Variants in SGK1 observed in about 807,000 individuals in gnomAD.
SGK1 encodes the protein serine/threonine-protein kinase Sgk1.
In SGK1, 26 loss-of-function variants were observed where a neutral mutation model predicts 64.2. That is an observed-to-expected ratio of 0.40 (90% CI 0.30 to 0.56). The LOEUF (loss-of-function observed/expected upper bound fraction) is 0.56. SGK1 is among the 20% of genes least tolerant of loss of function. The pLI is 0.38. For missense variants in SGK1, 519 were observed against 645.6 expected, an observed-to-expected ratio of 0.80 and a Z score of 2.12; for synonymous variants, 265 against 239.7, an observed-to-expected ratio of 1.11 and a Z score of -0.98.
chr6:134,249,252 T>A (rs1776570696), intron 2 of SGK1, among the ~76,000 whole-genome samples: 1 of 152,238 alleles, frequency 6.6e-6, no homozygotes, highest in African/African-American at 2.4e-5. Context: ...CTTTTGTGAT[T>A]GAAACATGAA....
intron 1 of SGK1, among the ~76,000 whole-genome samples, chr6:134,265,476 CAAACAAACAAAA>C (rs1776834931): frequency 6.8e-6 from 1 of 147,916 alleles, no homozygotes; most frequent in Non-Finnish European, 1.5e-5. Flanking sequence ...AACAAACAAA[CAAACAAACAAAA>C]AAAATATATA....
intron 1 of SGK1, among the ~76,000 whole-genome samples, chr6:134,283,873 C>CAAA (rs35999916): frequency 0.038 from 1,010 of 26,264 alleles, 179 homozygotes; most frequent in Non-Finnish European, 0.053. Flanking sequence ...CTGCCACCAC[C>CAAA]AAAAAAAAAA....
intron 2 of SGK1, among the ~76,000 whole-genome samples, chr6:134,249,223 T>C (rs1776570289): frequency 6.6e-6 from 1 of 152,254 alleles, no homozygotes; most frequent in Non-Finnish European, 1.5e-5. Flanking sequence ...TCGTCTATTC[T>C]TTATTCCTAC....
chr6:134,196,227 C>A (rs1324390489), intron 3 of SGK1, among the ~76,000 whole-genome samples: 1 of 152,048 alleles, frequency 6.6e-6, no homozygotes, highest in Non-Finnish European at 1.5e-5. Context: ...GGGAGGATCA[C>A]TTATTTTTTT....
intron 1 of SGK1, among the ~76,000 whole-genome samples, chr6:134,316,599 G>A (rs1408768188): frequency 6.6e-6 from 1 of 151,654 alleles, no homozygotes; most frequent in Non-Finnish European, 1.5e-5. Context: ...AAATATACAT[G>A]CAAAAAAATC....
At chr6:134,255,930 G>A (rs962396028) in intron 2 of SGK1, among the ~76,000 whole-genome samples, 7 of 151,940 alleles carry the variant, frequency 4.6e-5, no homozygotes, top group African/African-American at 1.7e-4. Context: ...TGAGAAAAAT[G>A]TCCCTCTCTG....
intron 3 of SGK1, among the ~76,000 whole-genome samples, chr6:134,176,523 G>C (rs1450098496): frequency 6.6e-6 from 1 of 152,180 alleles, no homozygotes; most frequent in East Asian, 1.9e-4. Flanking sequence ...TGCTGGCCGG[G>C]AAGCCGCGAG....
In SGK1 at chr6:134,171,660, A is replaced by G; in HGVS notation, c.1144T>C (p.Leu382=). 6.2e-7 allele frequency: 1 copy of G among 1,613,816 alleles called. No individual in the cohort carries two copies. The highest frequency in any genetic ancestry group is 8.5e-7 in the Non-Finnish European group (1 of 1,179,708). The change falls in exon 11 of 14, where the codon TTG becomes CTG. Residue 382 remains leucine (L), a synonymous_variant. Coordinates refer to ENST00000367858, the MANE Select transcript of SGK1 (RefSeq NM_001143676.3). ...TVDWWCLGAV[L]YEMLYGLPPF... ...ACCAGGCCATACAGCATCTCATACA[A>G]GACAGCTCCCAGGCACCACCAGTCC...
rs144469866 is a variant in SGK1, at chr6:134,264,420, T to C, written c.70-2272A>G. On this transcript the variant is annotated intron_variant, in intron 1 of 13. Transcript: ENST00000367858. ...AGGCTTGAGCCACTGCGCCTGGCCA[T>C]GAGCATGCAATTTTCTAAGAAGCAC... 1.6e-3 allele frequency among the ~76,000 whole-genome samples: 247 copies of C among 152,112 alleles called. 3 individuals carry two copies. The highest frequency in any genetic ancestry group is 5.6e-3 in the African/African-American group (233 of 41,540).
chr6:134,236,027 A>C (rs139916909), intron 2 of SGK1, among the ~76,000 whole-genome samples: 1 of 152,142 alleles, frequency 6.6e-6, no homozygotes, highest in South Asian at 2.1e-4. Flanking sequence ...CACATGCTCC[A>C]TCCTCACAGG....
At chr6:134,298,882 C>A (rs964520859) in intron 1 of SGK1, among the ~76,000 whole-genome samples, 16 of 151,784 alleles carry the variant, frequency 1.1e-4, no homozygotes, top group Non-Finnish European at 2.4e-4. Context: ...CTCACTGCAA[C>A]CTCTACCTCC....
At chr6:134,307,110 T>G (rs1038311553) in intron 1 of SGK1, among the ~76,000 whole-genome samples, 1 of 152,220 alleles carries the variant, frequency 6.6e-6, no homozygotes, top group African/African-American at 2.4e-5. Context: ...AAATTCCATC[T>G]GATAGAGATC....
chr6:134,304,628 G>A (rs1240090470), intron 1 of SGK1, among the ~76,000 whole-genome samples: 1 of 151,950 alleles, frequency 6.6e-6, no homozygotes, highest in Non-Finnish European at 1.5e-5. Flanking sequence ...CTTGAGTCTT[G>A]AAGTTCAAGG....
At chr6:134,261,223 G>A (rs1419660568) in intron 2 of SGK1, 1 of 152,248 alleles carries the variant, frequency 6.6e-6, no homozygotes, top group Non-Finnish European at 1.5e-5. Context: ...CTCTGTAAAT[G>A]GATCAAATCG....
chr6:134,285,422 G>A (rs529366094), intron 1 of SGK1, among the ~76,000 whole-genome samples: 5 of 149,306 alleles, frequency 3.3e-5, no homozygotes, highest in Middle Eastern at 3.4e-3. Flanking sequence ...AGGTTGCAGC[G>A]AGCTGAGATC....
Position 134,208,917 on chromosome 6 carries a change from C to CACAT in SGK1, c.286-1487_286-1486insATGT, listed in dbSNP as rs61596109. ...GTGTGTATATATATATACACACACA[C>CACAT]GTGTTTTTTTCGTATATGATTTCTT... On this transcript the variant is annotated intron_variant, in intron 2 of 13. Transcript: ENST00000367858. Among the ~76,000 whole-genome samples, 881 of 150,794 alleles carry CACAT rather than the reference C, an allele frequency of 5.8e-3. 8 individuals are homozygous for CACAT. The highest frequency in any genetic ancestry group is 0.018 in the African/African-American group (759 of 41,112).
chr6:134,261,707 C>T (rs1776768509), intron 2 of SGK1: 1 of 611,848 alleles, frequency 1.6e-6, no homozygotes, highest in East Asian at 2.7e-5. Context: ...ATCTCTGTAC[C>T]TTCTGCTCAA....
At chr6:134,174,974 G>A (rs1743964) in intron 3 of SGK1, 912,529 of 1,323,964 alleles carry the variant, frequency 0.69, 319,324 homozygotes, top group African/African-American at 0.91. Context: ...CCCCGCCCCG[G>A]CCGCCTCGCG....
intron 1 of SGK1, among the ~76,000 whole-genome samples, chr6:134,302,220 C>T (rs1457832763): frequency 7.9e-5 from 12 of 152,304 alleles, no homozygotes; most frequent in South Asian, 4.1e-4. Flanking sequence ...ATACATTGGA[C>T]ATAAGTATTT....
Sources: gnomAD v4.1 joint callset for allele counts (sites outside exome capture counted in the v4.1 genomes callset) on GRCh38, gnomAD v4.1.1 for gene constraint, MANE v1.5 for transcripts, NCBI Gene and HGNC (gene_info 2026-07-23, HGNC 2026-07-21) for gene names.